Variants in MYH14 observed in about 807,000 individuals in gnomAD.
MYH14 encodes myosin-14.
In MYH14, 123 loss-of-function variants were observed where a neutral mutation model predicts 255.5. That is an observed-to-expected ratio of 0.48 (90% confidence interval 0.42 to 0.56). The LOEUF is 0.56. MYH14 is among the 20% of genes least tolerant of loss of function. The pLI, the probability that MYH14 is intolerant of heterozygous loss-of-function variation, is 0.00. For synonymous variants in MYH14, 1,095 were observed against 1,161.2 expected (o/e 0.94, Z 1.16); for missense variants, 2,423 against 2,802.3 (o/e 0.86, Z 3.06).
At chr19:50,229,114 C>T (rs371832685) in intron 8 of MYH14, among the ~76,000 whole-genome samples, 35 of 152,088 alleles carry the variant, frequency 2.3e-4, no homozygotes, top group African/African-American at 7.7e-4. Context: ...GGCTGTTGTC[C>T]CCCAGGGTTC....
intron 2 of MYH14, among the ~76,000 whole-genome samples, chr19:50,213,248 C>G (rs2032293532): frequency 6.6e-6 from 1 of 152,164 alleles, no homozygotes; most frequent in South Asian, 2.1e-4. Flanking sequence ...TGCATCCGGC[C>G]ACTCTTTGCC....
intron 14 of MYH14, 133 bp downstream of exon 14, chr19:50,249,956 C>T: frequency 3.6e-6 from 4 of 1,102,768 alleles, no homozygotes; most frequent in Non-Finnish European, 3.9e-6. Flanking sequence ...AAGGTGACAG[C>T]ACCTGCTTCC....
chr19:50,274,434 A>G (rs2123399927), intron 27 of MYH14, among the ~76,000 whole-genome samples: 2 of 152,230 alleles, frequency 1.3e-5, no homozygotes, highest in South Asian at 4.2e-4. Flanking sequence ...GGCTGGGACT[A>G]CAGGTGCCCA....
At chr19:50,298,467 T>C (rs980685870) in intron 39 of MYH14, among the ~76,000 whole-genome samples, 7 of 151,892 alleles carry the variant, frequency 4.6e-5, no homozygotes, top group African/African-American at 1.5e-4. Context: ...CAAATTCCCT[T>C]GAAAATTCAC....
chr19:50,309,258 G>C (rs542445471), intron 42 of MYH14, 81 bp downstream of exon 42: 1 of 1,403,028 alleles, frequency 7.1e-7, no homozygotes, highest in Admixed American at 1.7e-5. Flanking sequence ...GCCGTGCCAG[G>C]GGCAACAACA....
intron 10 of MYH14, among the ~76,000 whole-genome samples, chr19:50,238,339 C>G (rs2033750024): frequency 6.6e-6 from 1 of 152,212 alleles, no homozygotes; most frequent in African/African-American, 2.4e-5. Context: ...TTGATGGAAG[C>G]CAGGTCTGGA....
intron 1 of MYH14, among the ~76,000 whole-genome samples, chr19:50,204,802 G>A (rs1395340506): frequency 6.6e-6 from 1 of 152,046 alleles, no homozygotes; most frequent in Non-Finnish European, 1.5e-5. Flanking sequence ...GGCTGAGCAG[G>A]GAGGATCGGT....
Position 50,309,675 on chromosome 19 carries a change from G to A in MYH14, c.5996G>A (p.Arg1999His), listed in dbSNP as rs764476849. The change falls in exon 43 of 43, where the codon CGC becomes CAC. Residue 1999 changes from arginine to histidine, a missense_variant. Coordinates refer to ENST00000642316, the MANE Select transcript of MYH14 (RefSeq NM_001145809.2). Reference sequence around the variant, plus strand: ...CTCACCTTCACCACCCGCACGGTGCGCCAGGTCTTCCGACTAGAGGAGGGC... The same window carrying A: ...CTCACCTTCACCACCCGCACGGTGCACCAGGTCTTCCGACTAGAGGAGGGC... The part of the protein sequence containing the change: ...GPLTFTTRTV[R>H]QVFRLEEGVA... 3.5e-5 allele frequency: 56 copies of A among 1,606,612 alleles called. No homozygotes were observed. Among genetic ancestry groups the A allele is most frequent in the Non-Finnish European group, 4.2e-5 (50 of 1,177,220 alleles).
chr19:50,257,945 G>T (rs1040564043), intron 18 of MYH14, among the ~76,000 whole-genome samples: 1 of 152,132 alleles, frequency 6.6e-6, no homozygotes, highest in Non-Finnish European at 1.5e-5. Flanking sequence ...TTTGTACAAA[G>T]GCCCAATGGT....
chr19:50,210,970 A>G (rs1056338522), intron 2 of MYH14, among the ~76,000 whole-genome samples, 200 bp downstream of exon 2: 4 of 152,254 alleles, frequency 2.6e-5, no homozygotes, highest in African/African-American at 9.6e-5. Flanking sequence ...TACTGGGGAC[A>G]TTGCATGATA....
intron 39 of MYH14, among the ~76,000 whole-genome samples, chr19:50,300,239 G>A (rs933392646): frequency 2.6e-5 from 4 of 152,058 alleles, no homozygotes; most frequent in Admixed American, 6.6e-5. Context: ...ATGCCTGTGC[G>A]GGATGACACC....
chr19:50,267,046 GGGGTGGGGCTGTGTCGCAT>G, intron 23 of MYH14, 38 bp downstream of exon 23: 1 of 1,511,686 alleles, frequency 6.6e-7, no homozygotes, highest in Non-Finnish European at 8.9e-7. Flanking sequence ...GCGTGTCTTC[GGGGTGGGGCTGTGTCGCAT>G]GGGTGGAGCC....
chr19:50,208,338 C>T (rs187364988), intron 1 of MYH14, among the ~76,000 whole-genome samples: 22 of 152,078 alleles, frequency 1.4e-4, no homozygotes, highest in Non-Finnish European at 3.2e-4. Context: ...TCTCTTGAAA[C>T]CGGGAGGCAG....
chr19:50,249,935 G>A (rs539674394), intron 14 of MYH14, 112 bp downstream of exon 14: 1 of 1,333,852 alleles, frequency 7.5e-7, no homozygotes, highest in African/African-American at 1.4e-5. Context: ...TGCCCCATGG[G>A]TTCTGTGGGG....
chr19:50,239,749 CTG>C (rs2033816320), intron 10 of MYH14, among the ~76,000 whole-genome samples: 1 of 152,086 alleles, frequency 6.6e-6, no homozygotes, highest in African/African-American at 2.4e-5. Context: ...CAAGGTTTCA[CTG>C]TGTTAGCCAG....
At position 50,230,478 on chromosome 19, in the gene MYH14, G is replaced by C. The variant is rs1489567910; in HGVS notation, c.875-47G>C. The C allele has an allele frequency of 1.3e-6, 2 of 1,513,868 alleles. No homozygotes were observed. Among genetic ancestry groups the C allele is most frequent in the Admixed American group, 3.9e-5 (2 of 50,956 alleles). The allele number at this position is 1,513,868 out of a possible 1,614,324, so 93.8% of individuals were successfully genotyped here. ...CAGGCTCCTGTAGTGGCCTGGCAGC[G>C]TCGGGGCCGTCCCTTCCCCTCTAGC... On this transcript the variant is annotated intron_variant, in intron 8 of 42. Coordinates refer to ENST00000642316, the MANE Select transcript of MYH14 (RefSeq NM_001145809.2). The surrounding 1 kb of genome is among the most constrained non-coding windows in gnomAD (Gnocchi z 4.7).
At chr19:50,215,438 C>A (rs1302347047) in intron 2 of MYH14, among the ~76,000 whole-genome samples, 1 of 152,180 alleles carries the variant, frequency 6.6e-6, no homozygotes, top group Non-Finnish European at 1.5e-5. Context: ...CACCCTCCCA[C>A]CGTTAGAAGG....
chr19:50,274,922 C>G (rs1474530565), intron 27 of MYH14, among the ~76,000 whole-genome samples: 2 of 146,600 alleles, frequency 1.4e-5, no homozygotes, highest in Non-Finnish European at 3.0e-5. Context: ...CAGAACGAGA[C>G]CCTCTCTCTC....
chr19:50,239,841 G>A (rs1388809667), intron 10 of MYH14, among the ~76,000 whole-genome samples: 2 of 152,114 alleles, frequency 1.3e-5, no homozygotes, highest in East Asian at 1.9e-4. Flanking sequence ...GAGCCACCGC[G>A]CCCGGCCACA....
Sources: gnomAD v4.1 joint callset for allele counts (sites outside exome capture counted in the v4.1 genomes callset) on GRCh38, gnomAD v4.1.1 for gene constraint, Gnocchi (gnomAD v3.1) non-coding constraint, MANE v1.5 for transcripts, NCBI Gene and HGNC (gene_info 2026-07-23, HGNC 2026-07-21) for gene names.